ZNF804B: variants seen among roughly 807,000 people sequenced by gnomAD.
The protein encoded by ZNF804B is zinc finger protein 804B.
Under a neutral mutation model 101.4 loss-of-function variants are expected in ZNF804B, and 80 were observed. The ratio of observed to expected loss-of-function variants is 0.79; its 90% CI spans 0.66 to 0.95. The LOEUF (loss-of-function observed/expected upper bound fraction) is 0.95, where lower values mean the gene tolerates loss of function less well. Ranked by LOEUF, ZNF804B falls within the 40% of genes least tolerant of loss-of-function variation. ZNF804B has a pLI of 0.00. For missense variants in ZNF804B, 1,673 were observed against 1,561.9 expected, an observed-to-expected ratio of 1.07 and a Z score of -1.20; for synonymous variants, 622 against 558.8, an observed-to-expected ratio of 1.11 and a Z score of -1.59.
intron 1 of ZNF804B, among the ~76,000 whole-genome samples, chr7:88,780,195 GA>G (rs1023033244): frequency 6.6e-6 from 1 of 152,046 alleles, no homozygotes; most frequent in African/African-American, 2.4e-5. Flanking sequence ...AGGATGTGGA[GA>G]AAAGGGAACC....
At chr7:88,807,038 T>C (rs1237161322) in intron 1 of ZNF804B, among the ~76,000 whole-genome samples, 5 of 152,186 alleles carry the variant, frequency 3.3e-5, no homozygotes, top group Admixed American at 2.0e-4. Context: ...CAAAAAACTG[T>C]TTTCTTTGTG....
At chr7:88,962,562 A>G (rs1166992994) in intron 1 of ZNF804B, among the ~76,000 whole-genome samples, 4 of 150,726 alleles carry the variant, frequency 2.7e-5, no homozygotes, top group African/African-American at 9.7e-5. Context: ...TTGCTTAGGA[A>G]GTATACCTAA....
At chr7:89,024,752 C>T (rs1342001723) in intron 1 of ZNF804B, among the ~76,000 whole-genome samples, 1 of 151,096 alleles carries the variant, frequency 6.6e-6, no homozygotes, top group African/African-American at 2.4e-5. Flanking sequence ...ATTCCATGGA[C>T]CTGTGTAGTC....
intron 1 of ZNF804B, among the ~76,000 whole-genome samples, chr7:88,902,980 G>A (rs758426112): frequency 1.3e-5 from 2 of 151,828 alleles, no homozygotes; most frequent in Admixed American, 1.3e-4. Context: ...ATGGGAGTAC[G>A]TGTGCAGGTT....
chr7:88,790,655 CA>C (rs1271670117), intron 1 of ZNF804B, among the ~76,000 whole-genome samples: 1 of 152,042 alleles, frequency 6.6e-6, no homozygotes, highest in East Asian at 1.9e-4. Context: ...TCACATATCA[CA>C]TATACATATA....
intron 1 of ZNF804B, among the ~76,000 whole-genome samples, chr7:89,209,798 C>A (rs1788775146): frequency 6.6e-6 from 1 of 152,004 alleles, no homozygotes; most frequent in Admixed American, 6.6e-5. Flanking sequence ...CTGAGTTTTT[C>A]TAAGTAATAA....
At chr7:88,767,170 T>A (rs916183867) in intron 1 of ZNF804B, among the ~76,000 whole-genome samples, 1 of 152,176 alleles carries the variant, frequency 6.6e-6, no homozygotes, top group African/African-American at 2.4e-5. Context: ...TCGCAAATGG[T>A]AAGAACTACT....
chr7:89,208,662 T>A (rs961102660), intron 1 of ZNF804B, among the ~76,000 whole-genome samples: 1 of 152,168 alleles, frequency 6.6e-6, no homozygotes, highest in Non-Finnish European at 1.5e-5. Context: ...ATGAAATTGG[T>A]GGTGGCCAAC....
chr7:89,126,403 A>G (rs913050044), intron 1 of ZNF804B, among the ~76,000 whole-genome samples: 1 of 152,000 alleles, frequency 6.6e-6, no homozygotes, highest in Non-Finnish European at 1.5e-5. Flanking sequence ...AGCTAACAAT[A>G]TTTTGGGTTA....
intron 3 of ZNF804B, among the ~76,000 whole-genome samples, chr7:89,328,498 C>G (rs1790929455): frequency 6.6e-6 from 1 of 151,792 alleles, no homozygotes; most frequent in Non-Finnish European, 1.5e-5. Flanking sequence ...AATGCATGCT[C>G]TGGGGTCTTA....
intron 1 of ZNF804B, among the ~76,000 whole-genome samples, chr7:89,039,679 G>T (rs1185197655): frequency 1.3e-5 from 2 of 150,824 alleles, no homozygotes; most frequent in African/African-American, 4.9e-5. Flanking sequence ...GCACTATCTA[G>T]AACTTTCAGT....
chr7:88,878,269 C>G (rs181558859), intron 1 of ZNF804B, among the ~76,000 whole-genome samples: 2 of 152,216 alleles, frequency 1.3e-5, no homozygotes, highest in Admixed American at 6.5e-5. Flanking sequence ...GATTTAAAAC[C>G]AGACTCTGGT....
intron 1 of ZNF804B, among the ~76,000 whole-genome samples, chr7:88,951,423 A>C (rs1012700070): frequency 6.6e-6 from 1 of 151,762 alleles, no homozygotes; most frequent in African/African-American, 2.4e-5. Flanking sequence ...TTTCTTCTTC[A>C]AAGGAAAATA....
intron 1 of ZNF804B, among the ~76,000 whole-genome samples, chr7:88,939,301 TATAA>T (rs1793023079): frequency 6.6e-6 from 1 of 151,988 alleles, no homozygotes. Context: ...ATAAATATTA[TATAA>T]ATAGTTATTG....
intron 1 of ZNF804B, among the ~76,000 whole-genome samples, chr7:89,097,718 A>G (rs373095509): frequency 7.2e-5 from 11 of 152,082 alleles, no homozygotes; most frequent in Middle Eastern, 6.9e-3. Flanking sequence ...ATAATACAGG[A>G]CTCTGATTAT....
intron 2 of ZNF804B, among the ~76,000 whole-genome samples, chr7:89,225,699 CA>C (rs1789079378): frequency 6.6e-6 from 1 of 151,974 alleles, no homozygotes; most frequent in South Asian, 2.1e-4. Flanking sequence ...GATTATTGAA[CA>C]AAAGGTGTCA....
chr7:89,062,701 C>G (rs1025404188), intron 1 of ZNF804B, among the ~76,000 whole-genome samples: 2 of 152,066 alleles, frequency 1.3e-5, no homozygotes, highest in African/African-American at 4.8e-5. Context: ...CACATCATCA[C>G]CTGCCCATTA....
chr7:88,890,864 A>T (rs1792204544), intron 1 of ZNF804B, among the ~76,000 whole-genome samples: 2 of 152,112 alleles, frequency 1.3e-5, no homozygotes, highest in Non-Finnish European at 2.9e-5. Context: ...AGTATTTATC[A>T]TACAAATCAT....
intron 1 of ZNF804B, among the ~76,000 whole-genome samples, chr7:89,213,811 T>A (rs1016348970): frequency 3.9e-5 from 6 of 152,184 alleles, no homozygotes; most frequent in African/African-American, 9.6e-5. Flanking sequence ...TCCATATCTT[T>A]AAATGAGATA....
Sources: gnomAD v4.1 joint callset for allele counts (sites outside exome capture counted in the v4.1 genomes callset) on GRCh38, gnomAD v4.1.1 for gene constraint, MANE v1.5 for transcripts, NCBI Gene and HGNC (gene_info 2026-07-23, HGNC 2026-07-21) for gene names.